SPHKAP: variants seen among roughly 807,000 people sequenced by gnomAD.
SPHKAP encodes the protein A-kinase anchor protein SPHKAP.
SPHKAP carries 67 observed loss-of-function variants against 137.5 expected under a neutral mutation model. The ratio of observed to expected loss-of-function variants is 0.49; its 90% CI spans 0.40 to 0.60. The LOEUF is 0.60. SPHKAP is among the 20% of genes least tolerant of loss of function. The pLI is 0.00. For missense variants in SPHKAP, 2,097 were observed against 2,069.3 expected (o/e 1.01, Z -0.26); for synonymous variants, 813 against 785.3 (o/e 1.04, Z -0.59).
In SPHKAP at chr2:228,113,603, A is replaced by ATCTCTCTCTCTCTCTCTC. The variant is rs139499722; in HGVS notation, c.139-4682_139-4665dup. Among the ~76,000 whole-genome samples the ATCTCTCTCTCTCTCTCTC allele has an allele frequency of 3.0e-3, 293 of 97,942 alleles. 10 individuals carry two copies. The highest frequency in any genetic ancestry group is 6.1e-3 in the East Asian group (19 of 3,110). The allele number at this position is 97,942 out of a possible 152,430, so 64.3% of individuals were successfully genotyped here. A position where few individuals can be genotyped will look rare whatever the true frequency, so the allele number is the denominator to read the frequency against. On this transcript the variant is annotated intron_variant, in intron 2 of 11. Transcript: ENST00000392056. ...CAAATCCCAGTCTATGCATTTAGCC[A>ATCTCTCTCTCTCTCTCTC]TCTCTCTCTCTCTCTCTCTCTCTCT...
chr2:228,163,875 T>A (rs897108604), intron 1 of SPHKAP, among the ~76,000 whole-genome samples: 1 of 152,278 alleles, frequency 6.6e-6, no homozygotes, highest in Middle Eastern at 3.4e-3. Context: ...TCCCCAGGAA[T>A]GCCCCTGTGA....
chr2:227,996,914 T>A (rs1179052565), intron 7 of SPHKAP, among the ~76,000 whole-genome samples: 1 of 152,202 alleles, frequency 6.6e-6, no homozygotes, highest in Non-Finnish European at 1.5e-5. Context: ...AATTCCAGAT[T>A]TGGAAGGAAG....
intron 3 of SPHKAP, among the ~76,000 whole-genome samples, chr2:228,029,445 G>C (rs1695198200): frequency 6.6e-6 from 1 of 152,154 alleles, no homozygotes. Flanking sequence ...CAAAGAATAG[G>C]AGATTTCTTC....
chr2:228,022,092 G>T, intron 5 of SPHKAP, 126 bp from the exon 6 acceptor site: 1 of 1,335,672 alleles, frequency 7.5e-7, no homozygotes, highest in Non-Finnish European at 9.6e-7. Context: ...TATTTGAAAT[G>T]TCTTCTGGAA....
intron 3 of SPHKAP, among the ~76,000 whole-genome samples, chr2:228,082,855 G>T (rs1451721148): frequency 2.0e-5 from 3 of 152,150 alleles, no homozygotes; most frequent in South Asian, 2.1e-4. Context: ...TGGCAGACCG[G>T]AAATATTAAG....
At chr2:228,157,174 A>G (rs1177916534) in intron 1 of SPHKAP, among the ~76,000 whole-genome samples, 2 of 152,334 alleles carry the variant, frequency 1.3e-5, no homozygotes, top group South Asian at 4.1e-4. Context: ...TAAAGTAAAT[A>G]TTTTCACATA....
intron 1 of SPHKAP, among the ~76,000 whole-genome samples, chr2:228,147,294 C>A (rs1699803509): frequency 6.6e-6 from 1 of 152,080 alleles, no homozygotes; most frequent in Admixed American, 6.6e-5. Flanking sequence ...CCTGAGATAC[C>A]AATGTTAGTG....
chr2:228,046,725 T>A (rs936913766), intron 3 of SPHKAP, among the ~76,000 whole-genome samples: 2 of 152,206 alleles, frequency 1.3e-5, no homozygotes, highest in Non-Finnish European at 2.9e-5. Flanking sequence ...AAATTCTTTG[T>A]AATATCATTC....
chr2:227,982,159 G>A, intron 11 of SPHKAP: 3 of 983,300 alleles, frequency 3.1e-6, no homozygotes, highest in Non-Finnish European at 3.6e-6. Flanking sequence ...TAGATATTTA[G>A]TGTTTTCTTG....
chr2:228,018,920 C>A lies in SPHKAP; in HGVS notation c.1934G>T (p.Arg645Met). 6.2e-7 allele frequency: 1 copy of A among 1,614,124 alleles called. No homozygotes were observed. The highest frequency in any genetic ancestry group is 8.5e-7 in the Non-Finnish European group (1 of 1,180,008). The change falls in exon 7 of 12, where the codon AGG becomes ATG. Residue 645 changes from arginine (R) to methionine (M), a missense_variant. Transcript: ENST00000392056. Reference protein sequence around the residue: ...SIGDFLDSMNRRIMETASKSQ... With the variant: ...SIGDFLDSMNMRIMETASKSQ... The stretch of plus-strand genomic sequence containing the variant: ...CTTTGAAGCAGTTTCCATGATTCTC[C>A]TGTTCATGGAGTCCAGAAAGTCTCC...
chr2:227,984,011 T>A (rs1366503440), intron 11 of SPHKAP, among the ~76,000 whole-genome samples: 3 of 152,026 alleles, frequency 2.0e-5, no homozygotes, highest in African/African-American at 7.2e-5. Context: ...GTGTTAGAAT[T>A]TCAGAGAGGC....
rs187087102 is a variant in SPHKAP, at chr2:227,986,111, T to C, written c.4960-4251A>G. On this transcript the variant is annotated intron_variant, in intron 11 of 11. Transcript: ENST00000392056. ...GACTCTAACGTGCACTAAATCTGAC[T>C]AAAGGACTCAGTTTTAAGGCACTTT... 2.0e-5 allele frequency among the ~76,000 whole-genome samples: 3 copies of C among 152,284 alleles called. No individual in the cohort carries two copies. The East Asian group carries it at 5.8e-4, about 29-fold the overall frequency.
chr2:228,131,366 C>T lies in SPHKAP; in HGVS notation c.138+614G>A, dbSNP rs141025170. The T allele has an allele frequency of 8.6e-5, 80 of 929,774 alleles. No homozygotes were observed. The East Asian group carries it at 4.9e-3, about 57-fold the overall frequency. The allele number at this position is 929,774 out of a possible 1,614,324, so 57.6% of individuals were successfully genotyped here. A position where few individuals can be genotyped will look rare whatever the true frequency, so the allele number is the denominator to read the frequency against. The stretch of plus-strand genomic sequence containing the variant: ...AAAGCATTAGATGGGGAACCAGGAT[C>T]GTGGACATTCTACTTCAAGTTTTGG... On this transcript the variant is annotated intron_variant, in intron 2 of 11. Coordinates refer to ENST00000392056, the MANE Select transcript of SPHKAP (RefSeq NM_001142644.2).
At chr2:228,119,010 G>T (rs1189456617) in intron 2 of SPHKAP, among the ~76,000 whole-genome samples, 1 of 152,106 alleles carries the variant, frequency 6.6e-6, no homozygotes, top group Non-Finnish European at 1.5e-5. Flanking sequence ...TAACTAAAGG[G>T]ATAAGGAAAT....
chr2:227,993,651 C>T, intron 8 of SPHKAP, 31 bp from the exon 9 acceptor site: 1 of 1,523,152 alleles, frequency 6.6e-7, no homozygotes, highest in Non-Finnish European at 8.9e-7. Flanking sequence ...ATATTAATGC[C>T]CGTCTCCACC....
intron 3 of SPHKAP, among the ~76,000 whole-genome samples, chr2:228,074,539 C>A (rs1697111830): frequency 6.6e-6 from 1 of 152,038 alleles, no homozygotes; most frequent in Non-Finnish European, 1.5e-5. Context: ...CTCACTATCA[C>A]CAGAACAGTA....
At chr2:227,986,042 A>G (rs147954383) in intron 11 of SPHKAP, among the ~76,000 whole-genome samples, 16 of 152,254 alleles carry the variant, frequency 1.1e-4, no homozygotes, top group African/African-American at 3.9e-4. Flanking sequence ...GAAGATTCTG[A>G]TCTAATTGGT....
chr2:227,989,780 T>G (rs1574712069), intron 11 of SPHKAP, among the ~76,000 whole-genome samples: 1 of 9,638 alleles, frequency 1.0e-4, no homozygotes, highest in East Asian at 3.3e-3. Flanking sequence ...TAATTTTTGT[T>G]TTTTTTTTTT....
At chr2:228,109,010 T>A (rs1163397745) in intron 2 of SPHKAP, 71 bp from the exon 3 acceptor site, 8 of 1,019,602 alleles carry the variant, frequency 7.8e-6, no homozygotes, top group Non-Finnish European at 1.1e-5. Context: ...TCTCTCTCTT[T>A]TTTTTTTTTC....
Sources: gnomAD v4.1 joint callset for allele counts (sites outside exome capture counted in the v4.1 genomes callset) on GRCh38, gnomAD v4.1.1 for gene constraint, MANE v1.5 for transcripts, NCBI Gene and HGNC (gene_info 2026-07-23, HGNC 2026-07-21) for gene names.